Variants in SPATA7 observed in about 807,000 individuals in gnomAD.
SPATA7 encodes the protein spermatogenesis-associated protein 7.
Under a neutral mutation model 51.8 loss-of-function variants are expected in SPATA7, and 43 were observed. The observed-to-expected ratio is 0.83, with a 90% CI of 0.65 to 1.07. The LOEUF is 1.07. Among genes scored for constraint, SPATA7 ranks in the 50% least tolerant of loss-of-function variants. The pLI is 0.00. For synonymous variants in SPATA7, 230 were observed against 252.8 expected (o/e 0.91, Z 0.86); for missense variants, 683 against 701.3 (o/e 0.97, Z 0.30).
downstream of SPATA7, among the ~76,000 whole-genome samples, chr14:88,458,227 T>A (rs2077296980): frequency 6.6e-6 from 1 of 152,244 alleles, no homozygotes; most frequent in African/African-American, 2.4e-5. Flanking sequence ...GGTATCAGGA[T>A]GATGCTGGCC....
intron 3 of SPATA7, among the ~76,000 whole-genome samples, chr14:88,452,745 A>C (rs1432317860): frequency 6.6e-6 from 1 of 152,114 alleles, no homozygotes; most frequent in South Asian, 2.1e-4. Flanking sequence ...TAAACAAACC[A>C]TGCCACTCTC....
intron 4 of SPATA7, among the ~76,000 whole-genome samples, chr14:88,410,376 G>T (rs2076307962): frequency 6.6e-6 from 1 of 151,968 alleles, no homozygotes; most frequent in Non-Finnish European, 1.5e-5. Context: ...ATCTTTGTTG[G>T]TTTAAAGTCT....
At chr14:88,437,662 C>A in intron 11 of SPATA7, 65 bp downstream of exon 11, 1 of 1,433,418 alleles carries the variant, frequency 7.0e-7, no homozygotes, top group East Asian at 2.3e-5. Flanking sequence ...TGGTTTTTTT[C>A]ATACCTTCAA....
chr14:88,386,514 C>T (rs948077748), intron 1 of SPATA7, among the ~76,000 whole-genome samples: 3 of 152,072 alleles, frequency 2.0e-5, no homozygotes, highest in African/African-American at 4.8e-5. Flanking sequence ...TGCTGGTCAG[C>T]GGACTGCAGT....
At chr14:88,465,832 A>G (rs2077355162) in intron 4 of SPATA7, 1 of 152,214 alleles carries the variant, frequency 6.6e-6, no homozygotes, top group Admixed American at 6.5e-5. Context: ...ACTGCAATTA[A>G]AAGTTTAAAA....
chr14:88,390,517 G>A (rs958692923), intron 1 of SPATA7, among the ~76,000 whole-genome samples: 8 of 152,184 alleles, frequency 5.3e-5, no homozygotes, highest in African/African-American at 1.7e-4. Context: ...TCCTGTCAAA[G>A]GCCCAGGATT....
chr14:88,403,309 C>T (rs182645771), intron 4 of SPATA7, among the ~76,000 whole-genome samples: 134 of 152,178 alleles, frequency 8.8e-4, no homozygotes, highest in Non-Finnish European at 1.6e-3. Flanking sequence ...TTAAGCAATC[C>T]CACTTCTGAA....
chr14:88,385,884 A>G (rs2075557409), intron 1 of SPATA7, 47 bp downstream of exon 1: 2 of 1,576,200 alleles, frequency 1.3e-6, no homozygotes, highest in Admixed American at 1.9e-5. Context: ...CCCTCGCTCC[A>G]GGCGGCGCTC....
At position 88,426,630 on chromosome 14, in the gene SPATA7, C is replaced by T. The variant is rs746170712; in HGVS notation, c.771C>T (p.Arg257=). ...TEAKSFLSQY[R]YYTPAKRKKD... ...CAAAATCTTTCCTGTCACAGTATCG[C>T]TATTATACACCTGCCAAAAGAAAAA... The change falls in exon 6 of 12, where the codon CGC becomes CGT. Residue 257 remains arginine (R), a synonymous_variant. Transcript: ENST00000393545. 3.1e-6 allele frequency: 5 copies of T among 1,613,848 alleles called. No individual in the cohort carries two copies. The highest frequency in any genetic ancestry group is 4.2e-6 in the Non-Finnish European group (5 of 1,180,030).
intron 5 of SPATA7, among the ~76,000 whole-genome samples, chr14:88,419,155 A>G (rs1265809075): frequency 1.3e-5 from 2 of 152,070 alleles, no homozygotes; most frequent in Non-Finnish European, 2.9e-5. Flanking sequence ...TCTTCCACAT[A>G]CTTACATATT....
intron 4 of SPATA7, among the ~76,000 whole-genome samples, chr14:88,465,509 C>CCAA (rs1883541779): frequency 3.3e-5 from 5 of 151,970 alleles, no homozygotes; most frequent in Admixed American, 3.3e-4. Context: ...CTCAAAACTA[C>CCAA]CAACTAAGCT....
At chr14:88,428,838 T>G (rs1466712129) in intron 7 of SPATA7, 2 of 161,188 alleles carry the variant, frequency 1.2e-5, no homozygotes, top group Non-Finnish European at 2.7e-5. Context: ...AAATTGTCAT[T>G]GTAAAGATTG....
At chr14:88,423,008 A>G (rs998353507) in intron 5 of SPATA7, among the ~76,000 whole-genome samples, 12 of 152,172 alleles carry the variant, frequency 7.9e-5, no homozygotes, top group Non-Finnish European at 1.3e-4. Context: ...TCATATATCA[A>G]AAACCTTTTA....
In SPATA7 at chr14:88,426,670, C is replaced by G; in HGVS notation, c.811C>G (p.Gln271Glu). ...PAKRKKDFTD[Q>E]RIEAETQTEL... The stretch of plus-strand genomic sequence containing the variant: ...CAAAAGAAAAAAGGATTTTACAGAT[C>G]AACGGATAGAAGCTGAAACCCAGAC... The change falls in exon 6 of 12, where the codon CAA becomes GAA. Residue 271 changes from glutamine (Q) to glutamate (E), a missense_variant. By Grantham distance (29) the Gln-to-Glu change is conservative. Transcript: ENST00000393545. 5.0e-6 allele frequency: 8 copies of G among 1,613,476 alleles called. No individual in the cohort carries two copies. Among genetic ancestry groups the G allele is most frequent in the African/African-American group, 1.3e-5 (1 of 75,030 alleles).
At chr14:88,439,143 A>G (rs1595306287), downstream of SPATA7, among the ~76,000 whole-genome samples, 2 of 152,196 alleles carry the variant, frequency 1.3e-5, no homozygotes, top group African/African-American at 4.8e-5. Flanking sequence ...TTTGTAGGCT[A>G]TGGGAAATGG....
At chr14:88,421,831 C>T (rs1015914075) in intron 5 of SPATA7, among the ~76,000 whole-genome samples, 3 of 152,034 alleles carry the variant, frequency 2.0e-5, no homozygotes, top group East Asian at 1.9e-4. Context: ...CACCTGTACT[C>T]CTAGCTACTC....
intron 4 of SPATA7, among the ~76,000 whole-genome samples, chr14:88,463,914 C>T (rs1409080296): frequency 6.6e-6 from 1 of 151,992 alleles, no homozygotes; most frequent in Non-Finnish European, 1.5e-5. Flanking sequence ...GAGGCGAGAT[C>T]TCGGCTCACT....
chr14:88,393,722 A>T (rs533099398), intron 3 of SPATA7: 8 of 334,584 alleles, frequency 2.4e-5, no homozygotes, highest in African/African-American at 1.3e-4. Context: ...TTTTATCTCT[A>T]TTGCTAATAA....
At chr14:88,464,383 T>C (rs1264742357) in intron 4 of SPATA7, among the ~76,000 whole-genome samples, 2 of 152,162 alleles carry the variant, frequency 1.3e-5, no homozygotes, top group African/African-American at 4.8e-5. Context: ...CCACATGAAA[T>C]CTTGCTGATA....
Sources: gnomAD v4.1 joint callset for allele counts (sites outside exome capture counted in the v4.1 genomes callset) on GRCh38, gnomAD v4.1.1 for gene constraint, MANE v1.5 for transcripts, NCBI Gene and HGNC (gene_info 2026-07-23, HGNC 2026-07-21) for gene names.